The following NKAIN2 variants were observed in gnomAD, a reference collection of about 807,000 sequenced individuals.
The protein encoded by NKAIN2 is sodium/potassium-transporting ATPase subunit beta-1-interacting protein 2.
Under a neutral mutation model 32.6 loss-of-function variants are expected in NKAIN2, and 14 were observed. The observed-to-expected ratio is 0.43, with a 90% CI of 0.28 to 0.67. The LOEUF is 0.67. NKAIN2 is among the 30% of genes least tolerant of loss of function. The probability of loss-of-function intolerance (pLI) is 0.17; values close to 1 mark genes in which losing one functional copy is unlikely to be tolerated. For missense variants in NKAIN2, 198 were observed against 258.3 expected, an observed-to-expected ratio of 0.77 and a Z score of 1.60; for synonymous variants, 80 against 87.2, an observed-to-expected ratio of 0.92 and a Z score of 0.46.
chr6:124,630,657 C>T (rs1277006378), intron 3 of NKAIN2, among the ~76,000 whole-genome samples: 1 of 152,034 alleles, frequency 6.6e-6, no homozygotes, highest in Non-Finnish European at 1.5e-5. Context: ...GGAGCTCTTT[C>T]AAAATTTCCT....
At chr6:124,409,265 T>G (rs1774028942) in intron 3 of NKAIN2, among the ~76,000 whole-genome samples, 2 of 152,182 alleles carry the variant, frequency 1.3e-5, no homozygotes, top group African/African-American at 2.4e-5. Flanking sequence ...CATCCCTGTC[T>G]TGTGCCAGTT....
chr6:123,815,750 T>C (rs1464985802), intron 1 of NKAIN2, among the ~76,000 whole-genome samples: 1 of 152,110 alleles, frequency 6.6e-6, no homozygotes, highest in Non-Finnish European at 1.5e-5. Context: ...TAAGAGATTA[T>C]ATACATACTT....
chr6:124,553,383 C>T (rs947301030), intron 3 of NKAIN2, among the ~76,000 whole-genome samples: 1 of 152,238 alleles, frequency 6.6e-6, no homozygotes, highest in African/African-American at 2.4e-5. Flanking sequence ...TCTCAGCTCA[C>T]TGCAACCTCC....
chr6:123,955,940 T>C (rs1777562570), intron 1 of NKAIN2, among the ~76,000 whole-genome samples: 1 of 152,028 alleles, frequency 6.6e-6, no homozygotes, highest in African/African-American at 2.4e-5. Context: ...ATTTAAACAT[T>C]AATATTTAAA....
chr6:123,997,849 C>T (rs7759414), intron 1 of NKAIN2, among the ~76,000 whole-genome samples: 7,925 of 151,992 alleles, frequency 0.052, 726 homozygotes, highest in African/African-American at 0.18. Context: ...GTGATCCTCC[C>T]GCCTCGGCCT....
intron 3 of NKAIN2, among the ~76,000 whole-genome samples, chr6:124,522,847 G>GA (rs1779164674): frequency 2.0e-5 from 3 of 151,584 alleles, no homozygotes; most frequent in Admixed American, 1.3e-4. Flanking sequence ...TGTAGGTTAA[G>GA]AAAAAAAGAT....
chr6:124,444,701 A>G (rs997631276), intron 3 of NKAIN2, among the ~76,000 whole-genome samples: 10 of 152,142 alleles, frequency 6.6e-5, no homozygotes, highest in African/African-American at 2.4e-4. Flanking sequence ...TATTAAATAT[A>G]AGAACATGAA....
chr6:123,849,658 G>A (rs919994429), intron 1 of NKAIN2, among the ~76,000 whole-genome samples: 2 of 152,128 alleles, frequency 1.3e-5, no homozygotes, highest in African/African-American at 4.8e-5. Context: ...GAGGCTGGGG[G>A]TGGGTGCCAG....
chr6:124,684,986 C>T (rs1297767030), intron 4 of NKAIN2, among the ~76,000 whole-genome samples: 2 of 152,120 alleles, frequency 1.3e-5, no homozygotes, highest in East Asian at 1.9e-4. Flanking sequence ...AGATCCAGCT[C>T]ATATTGATAA....
At position 124,265,733 on chromosome 6, in the gene NKAIN2, A is replaced by C. The variant is rs186863209; in HGVS notation, c.55-17272A>C. ...GGGCTGTAATTACGTATGAGGCTTT[A>C]GACTTTGCCAGGCCAGCAAGGCAAT... is the stretch of plus-strand genomic sequence containing the variant. On this transcript the variant is annotated intron_variant, in intron 1 of 6. Transcript: ENST00000368417. 1.8e-3 allele frequency among the ~76,000 whole-genome samples: 273 copies of C among 152,258 alleles called. 1 individual carries two copies. Among genetic ancestry groups the C allele is most frequent in the African/African-American group, 6.2e-3 (257 of 41,550 alleles).
At chr6:124,310,187 T>C (rs904995379) in intron 2 of NKAIN2, among the ~76,000 whole-genome samples, 7 of 152,146 alleles carry the variant, frequency 4.6e-5, no homozygotes, top group African/African-American at 1.7e-4. Context: ...ATAGCTGTTT[T>C]AGTATTGTTA....
rs527856570 is a variant in NKAIN2 at position 124,361,222 on chromosome 6, A to G, written c.273+5875A>G. ...TTATTAAATTATTTTTTGAATAGTA[A>G]TACAAAGGGAAGAAAACTTAGTGGT... On this transcript the variant is annotated intron_variant, in intron 3 of 6. Coordinates refer to ENST00000368417, the MANE Select transcript of NKAIN2 (RefSeq NM_001040214.3). Among the ~76,000 whole-genome samples the G allele has an allele frequency of 2.6e-5, 4 of 152,248 alleles. No individual in the cohort carries two copies. In the East Asian group the frequency reaches 7.7e-4, roughly 29 times the overall value.
chr6:124,813,102 A>G (rs552684085), intron 5 of NKAIN2, among the ~76,000 whole-genome samples: 1 of 152,254 alleles, frequency 6.6e-6, no homozygotes, highest in South Asian at 2.1e-4. Context: ...AGGACTGCTT[A>G]AATACTTATT....
chr6:123,930,282 T>G (rs1430078049), intron 1 of NKAIN2, among the ~76,000 whole-genome samples: 1 of 152,148 alleles, frequency 6.6e-6, no homozygotes, highest in Non-Finnish European at 1.5e-5. Context: ...TGTTTGTACA[T>G]TTTATGGTGT....
At chr6:124,282,414 G>T (rs923798251) in intron 1 of NKAIN2, among the ~76,000 whole-genome samples, 3 of 151,974 alleles carry the variant, frequency 2.0e-5, no homozygotes, top group African/African-American at 7.3e-5. Context: ...AGAACTAGAA[G>T]GACCCTACAC....
rs922562910 is a variant in NKAIN2, at chr6:124,585,233, C to T, written c.274-72953C>T. Among the ~76,000 whole-genome samples the T allele has an allele frequency of 2.8e-4, 42 of 152,150 alleles. 1 individual carries two copies. The highest frequency in any genetic ancestry group is 2.3e-3 in the Admixed American group (35 of 15,270). The stretch of plus-strand genomic sequence containing the variant: ...GAAAGGCACACTTCACATGTTGTCA[C>T]TTATTTGCCAATGCTAAAAATTGAA... On this transcript the variant is annotated intron_variant, in intron 3 of 6. Transcript: ENST00000368417.
chr6:123,812,893 C>T (rs1166398365), intron 1 of NKAIN2, among the ~76,000 whole-genome samples: 2 of 152,228 alleles, frequency 1.3e-5, no homozygotes, highest in African/African-American at 2.4e-5. Context: ...ACACCCTACT[C>T]TTAACAGAAG....
intron 1 of NKAIN2, among the ~76,000 whole-genome samples, chr6:123,810,194 C>T (rs1372312178): frequency 6.6e-6 from 1 of 152,002 alleles, no homozygotes; most frequent in Non-Finnish European, 1.5e-5. Context: ...TTTAAGTCAT[C>T]CTCTTAGTAA....
intron 1 of NKAIN2, among the ~76,000 whole-genome samples, chr6:124,065,935 A>G (rs990746160): frequency 2.6e-5 from 4 of 152,236 alleles, no homozygotes; most frequent in African/African-American, 9.6e-5. Context: ...CTATAGATAC[A>G]TAATCTACAG....
Sources: gnomAD v4.1 joint callset for allele counts (sites outside exome capture counted in the v4.1 genomes callset) on GRCh38, gnomAD v4.1.1 for gene constraint, MANE v1.5 for transcripts, NCBI Gene and HGNC (gene_info 2026-07-23, HGNC 2026-07-21) for gene names.